The following CPEB3 variants were observed in gnomAD, a reference collection of about 807,000 sequenced individuals.
CPEB3 encodes the protein cytoplasmic polyadenylation element binding protein 3, also known as cytoplasmic polyadenylation element-binding protein 3.
In CPEB3, 20 loss-of-function variants were observed where a neutral mutation model predicts 67.2. The ratio of observed to expected loss-of-function variants is 0.30; its 90% CI spans 0.21 to 0.43. The LOEUF (loss-of-function observed/expected upper bound fraction) is 0.43, where lower values mean the gene tolerates loss of function less well. Among genes scored for constraint, CPEB3 ranks in the 20% least tolerant of loss-of-function variants. The probability of loss-of-function intolerance (pLI) is 1.00; values close to 1 mark genes in which losing one functional copy is unlikely to be tolerated. For synonymous variants in CPEB3, 376 were observed against 393.1 expected, an observed-to-expected ratio of 0.96 and a Z score of 0.51; for missense variants, 746 against 968.6, an observed-to-expected ratio of 0.77 and a Z score of 3.05.
At chr10:92,160,830 G>A (rs1847438279) in intron 4 of CPEB3, among the ~76,000 whole-genome samples, 1 of 152,184 alleles carries the variant, frequency 6.6e-6, no homozygotes, top group Non-Finnish European at 1.5e-5. Flanking sequence ...GCTTAGGGGT[G>A]GAGGGCAGCA....
intron 4 of CPEB3, among the ~76,000 whole-genome samples, chr10:92,150,529 G>A (rs1224781785): frequency 1.3e-5 from 2 of 152,204 alleles, no homozygotes; most frequent in Non-Finnish European, 2.9e-5. Flanking sequence ...AGCTCCATGA[G>A]AAAACAGTGG....
intron 6 of CPEB3, among the ~76,000 whole-genome samples, chr10:92,130,381 A>G (rs1364286219): frequency 6.6e-6 from 1 of 152,064 alleles, no homozygotes; most frequent in Non-Finnish European, 1.5e-5. Flanking sequence ...TGTGAGGTCC[A>G]GGACCAAGTC....
chr10:92,203,069 G>A (rs1039308610), intron 2 of CPEB3, among the ~76,000 whole-genome samples: 2 of 150,842 alleles, frequency 1.3e-5, no homozygotes, highest in Non-Finnish European at 2.9e-5. Flanking sequence ...AGCCTCCCCA[G>A]TAGCTGGGAT....
chr10:92,117,108 T>C (rs1461729558), intron 6 of CPEB3, among the ~76,000 whole-genome samples: 1 of 152,078 alleles, frequency 6.6e-6, no homozygotes, highest in Non-Finnish European at 1.5e-5. Context: ...CACTGCAACC[T>C]CCGCCTCCCA....
At chr10:92,232,353 G>A (rs1036932240) in intron 2 of CPEB3, among the ~76,000 whole-genome samples, 1 of 151,794 alleles carries the variant, frequency 6.6e-6, no homozygotes, top group Non-Finnish European at 1.5e-5. Context: ...CCGTGCCTGA[G>A]CAACAAAGCA....
chr10:92,145,246 A>T (rs1053757459), intron 4 of CPEB3, 161 bp from the exon 5 acceptor site: 4 of 691,842 alleles, frequency 5.8e-6, no homozygotes, highest in Non-Finnish European at 7.2e-6. Context: ...CAAGATTAAC[A>T]GGACTGAATA....
At chr10:92,201,845 T>C (rs1387145580) in intron 2 of CPEB3, among the ~76,000 whole-genome samples, 1 of 152,194 alleles carries the variant, frequency 6.6e-6, no homozygotes, top group African/African-American at 2.4e-5. Context: ...TCTAGGTAAT[T>C]AGAACTAAGT....
Position 92,240,319 on chromosome 10 carries a change from T to C in CPEB3, c.32A>G (p.Lys11Arg), listed in dbSNP as rs1277997378. MQDDLLMDKS[K>R]TQPQPQQQQR... ...CTGCTGCTGGGGCTGGGGCTGGGTT[T>C]TGCTTTTGTCCATCAGTAAATCATC... The change falls in exon 2 of 10, where the codon AAA becomes AGA. Residue 11 changes from lysine (K) to arginine (R), a missense_variant. By Grantham distance (26) the Lys-to-Arg change is conservative. Around this residue, in one of 2 missense-constraint regions of CPEB3, gnomAD observed 643 missense variants for 717.5 expected, o/e 0.90. Transcript: ENST00000265997. The C allele has an allele frequency of 6.7e-7, 1 of 1,495,774 alleles. No homozygotes were observed. Among genetic ancestry groups the C allele is most frequent in the South Asian group, 1.3e-5 (1 of 74,648 alleles). The allele number at this position is 1,495,774 out of a possible 1,614,324, so 92.7% of individuals were successfully genotyped here. A position where few individuals can be genotyped will look rare whatever the true frequency, so the allele number is the denominator to read the frequency against.
chr10:92,097,197 G>A (rs1258900816), intron 7 of CPEB3, among the ~76,000 whole-genome samples: 2 of 152,154 alleles, frequency 1.3e-5, no homozygotes, highest in African/African-American at 4.8e-5. Flanking sequence ...TTTCAAGAGT[G>A]GCTAGAAATT....
intron 6 of CPEB3, among the ~76,000 whole-genome samples, chr10:92,127,384 T>C (rs1228860248): frequency 1.3e-5 from 2 of 151,888 alleles, no homozygotes; most frequent in African/African-American, 4.8e-5. Context: ...CATTTAGAAA[T>C]GTGGGGGAAG....
intron 1 of CPEB3, among the ~76,000 whole-genome samples, chr10:92,255,767 C>T (rs74998305): frequency 0.013 from 1,918 of 152,310 alleles, 20 homozygotes; most frequent in Non-Finnish European, 0.021. Context: ...TAATACAACA[C>T]TATTCCATTT....
intron 4 of CPEB3, among the ~76,000 whole-genome samples, chr10:92,160,792 T>C (rs1279256529): frequency 2.0e-5 from 3 of 152,126 alleles, no homozygotes; most frequent in African/African-American, 4.8e-5. Context: ...ATCCAAGTAA[T>C]ATAGATGAAG....
chr10:92,244,497 G>A (rs1851979547), intron 1 of CPEB3, among the ~76,000 whole-genome samples: 2 of 151,376 alleles, frequency 1.3e-5, no homozygotes, highest in Admixed American at 1.3e-4. Flanking sequence ...GAGTACAGTG[G>A]TGCGATCTCA....
At chr10:92,245,993 G>A (rs1200243887) in intron 1 of CPEB3, among the ~76,000 whole-genome samples, 1 of 150,754 alleles carries the variant, frequency 6.6e-6, no homozygotes, top group Non-Finnish European at 1.5e-5. Context: ...AGCCAAGACC[G>A]CACCATTGCA....
chr10:92,205,297 T>C (rs561345290), intron 2 of CPEB3, among the ~76,000 whole-genome samples: 1 of 152,292 alleles, frequency 6.6e-6, no homozygotes, highest in East Asian at 1.9e-4. Flanking sequence ...ATAACAAGCC[T>C]CGTAGAACTG....
At chr10:92,181,106 A>G (rs1288944779) in intron 3 of CPEB3, 87 bp from the exon 4 acceptor site, 2 of 728,114 alleles carry the variant, frequency 2.7e-6, no homozygotes, top group Admixed American at 4.8e-5. Flanking sequence ...ACAAAAATCT[A>G]AAACAGATTA....
chr10:92,189,818 A>G (rs1404321764), intron 3 of CPEB3, among the ~76,000 whole-genome samples: 1 of 125,396 alleles, frequency 8.0e-6, no homozygotes, highest in Non-Finnish European at 1.6e-5. Context: ...AGCAATCACC[A>G]CGCCCTGCCT....
chr10:92,160,713 C>A (rs1847433347), intron 4 of CPEB3, among the ~76,000 whole-genome samples: 1 of 152,204 alleles, frequency 6.6e-6, no homozygotes. Flanking sequence ...GTACAAATGA[C>A]TAATTGGACA....
At position 92,109,495 on chromosome 10, in the gene CPEB3, A is replaced by G. The variant is rs1482561384; in HGVS notation, c.1572+1581T>C. On this transcript the variant is annotated intron_variant, in intron 7 of 9. Transcript: ENST00000265997. ...TCTTGATCTCCTGACCTCGTGATCC[A>G]CCCACCTTGGCCTCCCAAAGTGCTG... is the stretch of plus-strand genomic sequence containing the variant. 2.6e-5 allele frequency among the ~76,000 whole-genome samples: 4 copies of G among 151,852 alleles called. No homozygotes were observed. In the East Asian group the frequency reaches 7.8e-4, roughly 29 times the overall value.
Sources: gnomAD v4.1 joint callset for allele counts (sites outside exome capture counted in the v4.1 genomes callset) on GRCh38, gnomAD v4.1.1 for gene constraint, gnomAD v4.1.1 regional missense constraint, MANE v1.5 for transcripts, NCBI Gene and HGNC (gene_info 2026-07-23, HGNC 2026-07-21) for gene names.